The following DGKB variants were observed in gnomAD, a reference collection of about 807,000 sequenced individuals.
DGKB encodes 90 kDa diacylglycerol kinase.
DGKB carries 67 observed loss-of-function variants against 114.3 expected under a neutral mutation model. The observed-to-expected ratio is 0.59, with a 90% CI of 0.48 to 0.72. The LOEUF (loss-of-function observed/expected upper bound fraction) is 0.72. DGKB is among the 30% of genes least tolerant of loss of function. The pLI is 0.00. For missense variants in DGKB, 907 were observed against 975.2 expected (o/e 0.93, Z 0.93); for synonymous variants, 398 against 323.1 (o/e 1.23, Z -2.49).
intron 21 of DGKB, among the ~76,000 whole-genome samples, chr7:14,374,366 G>A (rs1006003621): frequency 1.3e-5 from 2 of 152,096 alleles, no homozygotes; most frequent in Non-Finnish European, 2.9e-5. Flanking sequence ...CCCCATGGGC[G>A]CTCTTCCATA....
At chr7:14,464,037 T>A (rs1044292272) in intron 21 of DGKB, among the ~76,000 whole-genome samples, 1 of 152,044 alleles carries the variant, frequency 6.6e-6, no homozygotes, top group Non-Finnish European at 1.5e-5. Flanking sequence ...AGCTTTTTTT[T>A]TTTTCCCCTA....
chr7:14,500,377 T>A (rs1785965195), intron 20 of DGKB, among the ~76,000 whole-genome samples: 1 of 151,776 alleles, frequency 6.6e-6, no homozygotes, highest in Non-Finnish European at 1.5e-5. Context: ...AGGTATTTTT[T>A]ATTATGAATT....
chr7:14,478,384 ATATGCAGAAGTGATTTATGTAATTC>A (rs1252779821), intron 20 of DGKB, among the ~76,000 whole-genome samples, 159 bp from the exon 21 acceptor site: 60 of 152,286 alleles, frequency 3.9e-4, no homozygotes, highest in African/African-American at 1.0e-3. Context: ...TGTGTGATCC[ATATGCAGAAGTGATTTATGTAATTC>A]TATGCAGAAG....
At chr7:14,185,065 G>A (rs957341656) in intron 23 of DGKB, among the ~76,000 whole-genome samples, 2 of 152,090 alleles carry the variant, frequency 1.3e-5, no homozygotes, top group African/African-American at 2.4e-5. Context: ...CATCCAAATC[G>A]GTAAAGAGGA....
At chr7:14,600,332 T>C (rs1240779706) in intron 17 of DGKB, among the ~76,000 whole-genome samples, 2 of 152,198 alleles carry the variant, frequency 1.3e-5, no homozygotes, top group Non-Finnish European at 2.9e-5. Context: ...TAAGGTTCAA[T>C]ATAAATTTTG....
intron 7 of DGKB, among the ~76,000 whole-genome samples, chr7:14,699,312 T>C (rs954111656): frequency 2.0e-5 from 3 of 152,138 alleles, no homozygotes; most frequent in Admixed American, 1.3e-4. Flanking sequence ...TACTCCATCT[T>C]TGCTTACATA....
intron 20 of DGKB, among the ~76,000 whole-genome samples, chr7:14,558,475 A>G (rs1396038066): frequency 1.3e-5 from 2 of 152,026 alleles, no homozygotes; most frequent in Non-Finnish European, 2.9e-5. Context: ...TTTTAGACCA[A>G]CTTTTTGCGT....
chr7:14,525,687 T>C (rs1172355219), intron 20 of DGKB, among the ~76,000 whole-genome samples: 1 of 152,102 alleles, frequency 6.6e-6, no homozygotes, highest in Admixed American at 6.6e-5. Context: ...GTAGTCAAGA[T>C]ATGATGCCAG....
chr7:14,715,659 G>A (rs1382550384), intron 6 of DGKB, among the ~76,000 whole-genome samples: 1 of 152,132 alleles, frequency 6.6e-6, no homozygotes, highest in African/African-American at 2.4e-5. Context: ...AGGAAATAAA[G>A]CTGAAGACAT....
chr7:14,801,916 A>G (rs1842210080), intron 2 of DGKB, among the ~76,000 whole-genome samples: 1 of 129,700 alleles, frequency 7.7e-6, no homozygotes, highest in Non-Finnish European at 1.5e-5. Context: ...ATACACACAT[A>G]TATACATATA....
rs531567385 is a variant in DGKB at position 14,516,369 on chromosome 7, T to C, written c.1771-38144A>G. Reference sequence around the variant, plus strand: ...GTGCCATTTGTAACAATACTGTTAATACTTTCTTGCCTAGTTGAAGGGTTC... The same window carrying C: ...GTGCCATTTGTAACAATACTGTTAACACTTTCTTGCCTAGTTGAAGGGTTC... On this transcript the variant is annotated intron_variant, in intron 20 of 25. Coordinates refer to ENST00000402815, the MANE Select transcript of DGKB (RefSeq NM_001350709.2). 9.7e-4 allele frequency among the ~76,000 whole-genome samples: 148 copies of C among 152,346 alleles called. 2 individuals carry two copies. The highest frequency in any genetic ancestry group is 9.5e-3 in the Admixed American group (145 of 15,304).
chr7:14,517,122 A>C (rs1289136298), intron 20 of DGKB, among the ~76,000 whole-genome samples: 1 of 152,068 alleles, frequency 6.6e-6, no homozygotes, highest in African/African-American at 2.4e-5. Context: ...ATAGAAATGG[A>C]ATGAAAATAG....
chr7:14,185,008 C>T (rs1014329865), intron 23 of DGKB, among the ~76,000 whole-genome samples: 3 of 152,072 alleles, frequency 2.0e-5, no homozygotes, highest in Non-Finnish European at 4.4e-5. Context: ...CAACATAGTA[C>T]TGGAAGTCCT....
intron 1 of DGKB, among the ~76,000 whole-genome samples, chr7:14,957,061 C>T (rs1439931447): frequency 3.9e-5 from 6 of 151,962 alleles, no homozygotes; most frequent in East Asian, 1.9e-4. Flanking sequence ...ATTTGCCAAC[C>T]TTTTGAGCTT....
chr7:14,927,415 C>T (rs1453203981), intron 1 of DGKB, among the ~76,000 whole-genome samples: 1 of 151,924 alleles, frequency 6.6e-6, no homozygotes, highest in Non-Finnish European at 1.5e-5. Flanking sequence ...TGTTCTACCA[C>T]ACATTATCCT....
intron 4 of DGKB, among the ~76,000 whole-genome samples, chr7:14,750,538 T>C (rs995587286): frequency 6.6e-6 from 1 of 152,146 alleles, no homozygotes; most frequent in African/African-American, 2.4e-5. Flanking sequence ...CATCTAGTGT[T>C]CTTACTTGAT....
Position 14,178,167 on chromosome 7 carries a change from T to A in DGKB, c.2123-16A>T. 1 of 1,613,098 alleles carries A rather than the reference T, an allele frequency of 6.2e-7. No homozygotes were observed. Among genetic ancestry groups the A allele is most frequent in the Non-Finnish European group, 8.5e-7 (1 of 1,179,710 alleles). Reference sequence around the variant, plus strand: ...TCACTGAGATCTGAAAGAAAGTAGATGCCTTTTAAGTTGCAATGTGTATAC... The same window carrying A: ...TCACTGAGATCTGAAAGAAAGTAGAAGCCTTTTAAGTTGCAATGTGTATAC... On this transcript the variant is annotated splice_polypyrimidine_tract_variant and intron_variant, in intron 23 of 25. Coordinates refer to ENST00000402815, the MANE Select transcript of DGKB (RefSeq NM_001350709.2).
At chr7:14,744,098 T>A (rs1832931251) in intron 4 of DGKB, among the ~76,000 whole-genome samples, 1 of 152,172 alleles carries the variant, frequency 6.6e-6, no homozygotes. Flanking sequence ...TTATTCAGAG[T>A]CAAGAAAACT....
chr7:14,149,016 C>T lies in DGKB; in HGVS notation c.*115G>A. The T allele has an allele frequency of 1.1e-6, 1 of 914,816 alleles. No individual in the cohort carries two copies. The highest frequency in any genetic ancestry group is 2.1e-5 in the Admixed American group (1 of 48,434). 56.7% of individuals were successfully genotyped at this position (914,816 alleles called of 1,614,324 possible). A position where few individuals can be genotyped will look rare whatever the true frequency, so the allele number is the denominator to read the frequency against. ...TAGCTTAGTAACAAAAACTGTTAAA[C>T]CACTTCCATGATTTTGCATGAGCAG... On this transcript the variant is annotated 3_prime_UTR_variant, in exon 26 of 26. Coordinates refer to ENST00000402815, the MANE Select transcript of DGKB (RefSeq NM_001350709.2).
Sources: gnomAD v4.1 joint callset for allele counts (sites outside exome capture counted in the v4.1 genomes callset) on GRCh38, gnomAD v4.1.1 for gene constraint, MANE v1.5 for transcripts, NCBI Gene and HGNC (gene_info 2026-07-23, HGNC 2026-07-21) for gene names.